The following SND1 variants were observed in gnomAD, a reference collection of about 807,000 sequenced individuals.
The protein encoded by SND1 is staphylococcal nuclease and tudor domain containing 1, also known as staphylococcal nuclease domain-containing protein 1.
Under a neutral mutation model 121.7 loss-of-function variants are expected in SND1, and 38 were observed. The observed-to-expected ratio is 0.31, with a 90% CI of 0.24 to 0.41. SND1 has a LOEUF of 0.41. Ranked by LOEUF, SND1 falls within the 10% of genes least tolerant of loss-of-function variation. The pLI is 1.00. For missense variants in SND1, 868 were observed against 1,184.6 expected, an observed-to-expected ratio of 0.73 and a Z score of 3.92; for synonymous variants, 401 against 447.4, an observed-to-expected ratio of 0.90 and a Z score of 1.31.
intron 4 of SND1, among the ~76,000 whole-genome samples, chr7:127,699,560 A>G (rs1042129445): frequency 3.3e-5 from 5 of 152,170 alleles, no homozygotes; most frequent in Non-Finnish European, 7.3e-5. Flanking sequence ...ATGTATCTGT[A>G]GTTGCTTAAT....
intron 16 of SND1, among the ~76,000 whole-genome samples, chr7:127,991,515 C>T (rs1802524350): frequency 6.6e-6 from 1 of 152,182 alleles, no homozygotes; most frequent in Non-Finnish European, 1.5e-5. Context: ...TGGGCTGGCT[C>T]TTGCATGCAG....
chr7:127,808,544 A>G (rs1469012403), intron 11 of SND1, among the ~76,000 whole-genome samples: 2 of 152,222 alleles, frequency 1.3e-5, no homozygotes, highest in Non-Finnish European at 2.9e-5. Context: ...AACCATTTTT[A>G]TTGTATACCA....
chr7:127,764,046 A>AAC (rs1033628268), intron 10 of SND1, among the ~76,000 whole-genome samples: 3 of 145,248 alleles, frequency 2.1e-5, no homozygotes, highest in African/African-American at 5.0e-5. Context: ...CGCAAAAAAA[A>AAC]AAAAAACAAA....
intron 1 of SND1, among the ~76,000 whole-genome samples, chr7:127,667,561 G>T (rs537947077): frequency 1.3e-5 from 2 of 152,318 alleles, no homozygotes; most frequent in Admixed American, 6.5e-5. Flanking sequence ...ATCAGGAACA[G>T]CAGCTGCTGT....
intron 10 of SND1, among the ~76,000 whole-genome samples, chr7:127,765,152 C>G (rs543973799): frequency 6.6e-6 from 1 of 152,258 alleles, no homozygotes; most frequent in South Asian, 2.1e-4. Flanking sequence ...TGCCACTGGA[C>G]TCTGTAGTGG....
At chr7:127,901,519 A>G (rs1800231308) in intron 13 of SND1, among the ~76,000 whole-genome samples, 1 of 152,124 alleles carries the variant, frequency 6.6e-6, no homozygotes, top group African/African-American at 2.4e-5. Context: ...CTGCACAGGG[A>G]AAGGAGACCT....
intron 12 of SND1, among the ~76,000 whole-genome samples, chr7:127,857,012 C>G (rs888246526): frequency 6.6e-6 from 1 of 152,094 alleles, no homozygotes; most frequent in Non-Finnish European, 1.5e-5. Context: ...TTTGTAGTGG[C>G]TTACTGTCTT....
At chr7:128,011,004 TGTTTA>T (rs999143005) in intron 16 of SND1, among the ~76,000 whole-genome samples, 3 of 152,236 alleles carry the variant, frequency 2.0e-5, no homozygotes, top group Non-Finnish European at 4.4e-5. Context: ...CAGGACGTTT[TGTTTA>T]GTTATTTTTT....
At chr7:127,748,653 A>G (rs1190136067) in intron 10 of SND1, among the ~76,000 whole-genome samples, 2 of 152,268 alleles carry the variant, frequency 1.3e-5, no homozygotes, top group Non-Finnish European at 2.9e-5. Flanking sequence ...ATTAGAAATC[A>G]TATTCCTACT....
chr7:127,671,036 C>T (rs1389095565), intron 1 of SND1, among the ~76,000 whole-genome samples: 1 of 152,030 alleles, frequency 6.6e-6, no homozygotes, highest in Non-Finnish European at 1.5e-5. Flanking sequence ...GATGTATGGT[C>T]CATGCAACAT....
At chr7:127,713,764 T>C (rs1195117657) in intron 9 of SND1, among the ~76,000 whole-genome samples, 1 of 152,240 alleles carries the variant, frequency 6.6e-6, no homozygotes, top group African/African-American at 2.4e-5. Context: ...CTGATACATG[T>C]GGCCTATTGA....
At chr7:127,879,497 G>C (rs1218847175) in intron 12 of SND1, among the ~76,000 whole-genome samples, 1 of 152,126 alleles carries the variant, frequency 6.6e-6, no homozygotes, top group Admixed American at 6.5e-5. Context: ...GTTGAATCCT[G>C]TGGTGACCTT....
chr7:127,936,364 C>A (rs2116831216), intron 15 of SND1, among the ~76,000 whole-genome samples: 1 of 152,216 alleles, frequency 6.6e-6, no homozygotes, highest in East Asian at 1.9e-4. Context: ...CTCATCTGGC[C>A]TTTAGTGAGC....
intron 10 of SND1, among the ~76,000 whole-genome samples, chr7:127,799,153 T>A (rs1798080844): frequency 6.6e-6 from 1 of 152,220 alleles, no homozygotes; most frequent in Middle Eastern, 3.2e-3. Context: ...CAGGAGATTC[T>A]TAGGCACACT....
chr7:128,078,296 A>C (rs1488022966), intron 17 of SND1, among the ~76,000 whole-genome samples: 2 of 152,238 alleles, frequency 1.3e-5, no homozygotes, highest in Non-Finnish European at 2.9e-5. Flanking sequence ...ACAGGGAAAG[A>C]GGGAACCGTC....
intron 16 of SND1, among the ~76,000 whole-genome samples, chr7:128,065,360 A>G (rs945041259): frequency 7.9e-5 from 12 of 152,268 alleles, no homozygotes; most frequent in East Asian, 7.7e-4. Flanking sequence ...TCCACAAAGC[A>G]GAGCGGACTG....
In SND1 at chr7:127,678,409, G is replaced by A. The variant is rs144744196; in HGVS notation, c.79-8204G>A. ...GCCCGATTTTTGGCACAGTTGGCTC[G>A]GGAGCAGCAACTTGTGCTTGTACCT... On this transcript the variant is annotated intron_variant, in intron 1 of 23. Transcript: ENST00000354725. Among the ~76,000 whole-genome samples, 43 of 152,214 alleles carry A rather than the reference G, an allele frequency of 2.8e-4. 1 individual carries two copies. Among genetic ancestry groups the A allele is most frequent in the African/African-American group, 9.9e-4 (41 of 41,534 alleles).
At chr7:127,945,880 T>C (rs1439098313) in intron 15 of SND1, among the ~76,000 whole-genome samples, 1 of 152,232 alleles carries the variant, frequency 6.6e-6, no homozygotes, top group Non-Finnish European at 1.5e-5. Flanking sequence ...AACTAAGGCC[T>C]GGGAAAGTTA....
intron 15 of SND1, among the ~76,000 whole-genome samples, chr7:127,943,400 A>C (rs1357517884): frequency 6.6e-6 from 1 of 152,206 alleles, no homozygotes; most frequent in Non-Finnish European, 1.5e-5. Context: ...GCAGGAGGAC[A>C]AGACAAAATT....
Sources: allele counts gnomAD v4.1 joint callset (sites outside exome capture counted in the v4.1 genomes callset), GRCh38; gene constraint gnomAD v4.1.1; transcripts MANE v1.5; gene names NCBI Gene and HGNC (gene_info 2026-07-23, HGNC 2026-07-21).